Variants in DRC8 observed in about 807,000 individuals in gnomAD.
DRC8 encodes the protein dynein regulatory complex subunit 8.
the DRC8 span, among the ~76,000 whole-genome samples, chr1:245,064,525 T>A: frequency 6.6e-6 from 1 of 152,230 alleles, no homozygotes; most frequent in African/African-American, 2.4e-5. Flanking sequence ...GTTGGACTTC[T>A]TTCTATCCCA....
the DRC8 span, among the ~76,000 whole-genome samples, chr1:245,109,208 A>C: frequency 6.0e-4 from 92 of 152,230 alleles, no homozygotes; most frequent in Middle Eastern, 0.01. Flanking sequence ...AGGCAATGAG[A>C]GGTGTCAATT....
At chr1:245,032,000 T>C in the DRC8 span, among the ~76,000 whole-genome samples, 1 of 152,228 alleles carries the variant, frequency 6.6e-6, no homozygotes, top group Non-Finnish European at 1.5e-5. Flanking sequence ...TAACTAGTGA[T>C]ACCACTTTAT....
chr1:245,068,634 G>T, the DRC8 span, among the ~76,000 whole-genome samples: 1 of 150,824 alleles, frequency 6.6e-6, no homozygotes, highest in South Asian at 2.1e-4. Context: ...TAGAGACGGG[G>T]CCTTGAAATG....
At chr1:245,093,054 A>G in the DRC8 span, among the ~76,000 whole-genome samples, 1 of 152,178 alleles carries the variant, frequency 6.6e-6, no homozygotes, top group African/African-American at 2.4e-5. Context: ...AGCTAGGCAG[A>G]GAGGGAGAGA....
chr1:245,024,927 A>T, the DRC8 span, among the ~76,000 whole-genome samples: 1 of 152,000 alleles, frequency 6.6e-6, no homozygotes, highest in African/African-American at 2.4e-5. Flanking sequence ...ACAGTTTATG[A>T]TTTTTCCCCA....
the DRC8 span, among the ~76,000 whole-genome samples, chr1:244,976,333 T>C: frequency 6.6e-6 from 1 of 152,206 alleles, no homozygotes; most frequent in African/African-American, 2.4e-5. Flanking sequence ...ATTGGGATCA[T>C]GCATAATGCA....
the DRC8 span, among the ~76,000 whole-genome samples, chr1:244,980,915 G>T: frequency 6.6e-6 from 1 of 152,212 alleles, no homozygotes; most frequent in African/African-American, 2.4e-5. Context: ...GGGCGTGGTG[G>T]TTCACGCCTG....
the DRC8 span, among the ~76,000 whole-genome samples, chr1:245,076,789 C>A: frequency 6.6e-6 from 1 of 150,976 alleles, no homozygotes; most frequent in East Asian, 1.9e-4. Flanking sequence ...TGTAGTGGTG[C>A]GATCTTGGTT....
the DRC8 span, among the ~76,000 whole-genome samples, chr1:244,997,469 A>G: frequency 1.3e-5 from 2 of 150,956 alleles, no homozygotes; most frequent in Non-Finnish European, 2.9e-5. Flanking sequence ...CCAATTCCAA[A>G]TCATTGTTCT....
At chr1:245,115,711 G>A in the DRC8 span, among the ~76,000 whole-genome samples, 3 of 152,186 alleles carry the variant, frequency 2.0e-5, no homozygotes, top group African/African-American at 7.2e-5. Context: ...CGTGTGAACA[G>A]GCAAATCACA....
At chr1:245,004,701 A>G in the DRC8 span, among the ~76,000 whole-genome samples, 1 of 152,250 alleles carries the variant, frequency 6.6e-6, no homozygotes, top group Non-Finnish European at 1.5e-5. Context: ...AACATAAAAC[A>G]GACATTTCCT....
the DRC8 span, among the ~76,000 whole-genome samples, chr1:244,972,417 G>GTGTA: frequency 6.6e-6 from 1 of 152,216 alleles, no homozygotes; most frequent in Non-Finnish European, 1.5e-5. Context: ...TGTGCTAGGT[G>GTGTA]TGTATCCTTG....
At chr1:244,998,846 A>G in the DRC8 span, among the ~76,000 whole-genome samples, 1 of 152,118 alleles carries the variant, frequency 6.6e-6, no homozygotes, top group Admixed American at 6.6e-5. Context: ...CTGTCTCTCC[A>G]TTTTTATATT....
chr1:245,030,353 AAAT>A, the DRC8 span, among the ~76,000 whole-genome samples: 1 of 152,206 alleles, frequency 6.6e-6, no homozygotes, highest in Non-Finnish European at 1.5e-5. Context: ...ACGTATTTGG[AAAT>A]AAGTATAAGT....
chr1:245,112,891 T>C, the DRC8 span, among the ~76,000 whole-genome samples: 2 of 152,168 alleles, frequency 1.3e-5, no homozygotes, highest in Admixed American at 1.3e-4. Flanking sequence ...GTAGCTGGGA[T>C]TACAGGTGTC....
At chr1:244,992,228 G>T in the DRC8 span, among the ~76,000 whole-genome samples, 1 of 152,176 alleles carries the variant, frequency 6.6e-6, no homozygotes, top group Non-Finnish European at 1.5e-5. Context: ...GCTAAATTGG[G>T]CCACATTTCC....
chr1:245,020,329 C>G, the DRC8 span, among the ~76,000 whole-genome samples: 5 of 152,278 alleles, frequency 3.3e-5, no homozygotes, highest in African/African-American at 1.2e-4. Context: ...GAGCTGGGCT[C>G]CTGCTACTGC....
the DRC8 span, among the ~76,000 whole-genome samples, chr1:244,993,870 A>G: frequency 1.3e-5 from 2 of 152,160 alleles, no homozygotes; most frequent in African/African-American, 4.8e-5. Context: ...TCGTGGCCTA[A>G]TCACCTCTTA....
the DRC8 span, among the ~76,000 whole-genome samples, chr1:245,006,476 TG>T: frequency 8.3e-4 from 126 of 152,206 alleles, no homozygotes; most frequent in African/African-American, 2.9e-3. Context: ...AATTTTTTTT[TG>T]TATTTTTAGT....
Sources: gnomAD v4.1 joint callset for allele counts (sites outside exome capture counted in the v4.1 genomes callset) on GRCh38, gnomAD v4.1.1 for gene constraint, MANE v1.5 for transcripts, NCBI Gene and HGNC (gene_info 2026-07-23, HGNC 2026-07-21) for gene names.